MTA3: variants seen among roughly 807,000 people sequenced by gnomAD.
The protein encoded by MTA3 is metastasis associated 1 family member 3, also known as metastasis-associated protein MTA3.
Under a neutral mutation model 83.5 loss-of-function variants are expected in MTA3, and 34 were observed. That is an observed-to-expected ratio of 0.41 (90% CI 0.31 to 0.54). The LOEUF is 0.54. Ranked by LOEUF, MTA3 falls within the 20% of genes least tolerant of loss-of-function variation. MTA3 has a pLI of 0.33. For synonymous variants in MTA3, 303 were observed against 252.7 expected (o/e 1.20, Z -1.89); for missense variants, 761 against 726.4 (o/e 1.05, Z -0.55).
At chr2:42,697,304 G>A (rs1693475936) in intron 10 of MTA3, among the ~76,000 whole-genome samples, 1 of 152,184 alleles carries the variant, frequency 6.6e-6, no homozygotes, top group East Asian at 1.9e-4. Context: ...TGCTTATTTA[G>A]TTCTACTTAG....
intron 6 of MTA3, among the ~76,000 whole-genome samples, chr2:42,652,276 GTCTT>G (rs1209769072): frequency 6.6e-6 from 1 of 152,058 alleles, no homozygotes; most frequent in Non-Finnish European, 1.5e-5. Flanking sequence ...CTGTAAGTTA[GTCTT>G]TCTTAGATTC....
At position 42,754,929 on chromosome 2, in the gene MTA3, G is replaced by A. The variant is rs1007260870; in HGVS notation, c.*1530G>A. 3.0e-6 allele frequency: 3 copies of A among 985,484 alleles called. No individual in the cohort carries two copies. The highest frequency in any genetic ancestry group is 3.6e-6 in the Non-Finnish European group (3 of 830,088). The allele number at this position is 985,484 out of a possible 1,614,324, so 61.0% of individuals were successfully genotyped here. A position where few individuals can be genotyped will look rare whatever the true frequency, so the allele number is the denominator to read the frequency against. ...CAGCTTCTTTTCTGAGGAGGAGTTG[G>A]TTCTCATCTTAGGCTTCTGCAAGGG... On this transcript the variant is annotated 3_prime_UTR_variant, in exon 17 of 17. Coordinates refer to ENST00000405094, the MANE Select transcript of MTA3 (RefSeq NM_001330442.2).
At chr2:42,606,696 G>A (rs1472483017) in intron 3 of MTA3, among the ~76,000 whole-genome samples, 5 of 151,688 alleles carry the variant, frequency 3.3e-5, no homozygotes, top group African/African-American at 7.3e-5. Flanking sequence ...GGCAGAGGCT[G>A]CAATCTCGGC....
chr2:42,666,773 T>A (rs1690269709), intron 8 of MTA3, among the ~76,000 whole-genome samples: 1 of 152,174 alleles, frequency 6.6e-6, no homozygotes, highest in Non-Finnish European at 1.5e-5. Flanking sequence ...CACCATTGAA[T>A]TCCCAGCACC....
At chr2:42,721,181 G>A (rs1028510309) in intron 15 of MTA3, among the ~76,000 whole-genome samples, 1 of 151,892 alleles carries the variant, frequency 6.6e-6, no homozygotes, top group Non-Finnish European at 1.5e-5. Context: ...ACACCAAGAT[G>A]GGTAAGACCT....
chr2:42,736,497 G>A (rs887947557), intron 16 of MTA3, among the ~76,000 whole-genome samples: 1 of 152,132 alleles, frequency 6.6e-6, no homozygotes, highest in African/African-American at 2.4e-5. Context: ...GGCATATCCA[G>A]CCAGGCATCT....
intron 9 of MTA3, among the ~76,000 whole-genome samples, chr2:42,685,265 G>C (rs1474836779): frequency 6.6e-6 from 1 of 152,176 alleles, no homozygotes; most frequent in Non-Finnish European, 1.5e-5. Context: ...CAAAATTACA[G>C]ATTTGTAGCA....
At chr2:42,712,279 C>G (rs1666683905) in intron 14 of MTA3, among the ~76,000 whole-genome samples, 1 of 152,032 alleles carries the variant, frequency 6.6e-6, no homozygotes, top group Admixed American at 6.6e-5. Flanking sequence ...GGAAGATTTA[C>G]CACTCTTCAT....
intron 3 of MTA3, among the ~76,000 whole-genome samples, chr2:42,585,811 A>G (rs1680210891): frequency 6.6e-6 from 1 of 151,872 alleles, no homozygotes; most frequent in African/African-American, 2.4e-5. Flanking sequence ...GGTTATGTAT[A>G]ATTACAGTTT....
chr2:42,546,616 G>A (rs1162440742), intron 2 of MTA3, among the ~76,000 whole-genome samples: 3 of 152,062 alleles, frequency 2.0e-5, no homozygotes, highest in Non-Finnish European at 4.4e-5. Flanking sequence ...GGCGTTTCTA[G>A]GTTGGTCATT....
At chr2:42,538,472 C>G (rs1462008545) in intron 2 of MTA3, among the ~76,000 whole-genome samples, 1 of 151,842 alleles carries the variant, frequency 6.6e-6, no homozygotes, top group Non-Finnish European at 1.5e-5. Context: ...CTTTGGGAGG[C>G]CAAGGCAAGC....
chr2:42,749,447 A>G (rs1462494003), intron 16 of MTA3, among the ~76,000 whole-genome samples: 1 of 152,026 alleles, frequency 6.6e-6, no homozygotes, highest in Non-Finnish European at 1.5e-5. Context: ...ACTTTCAAAC[A>G]GTTGTTCTTT....
intron 16 of MTA3, among the ~76,000 whole-genome samples, chr2:42,739,782 C>T (rs1355694906): frequency 6.6e-6 from 1 of 152,216 alleles, no homozygotes; most frequent in Non-Finnish European, 1.5e-5. Flanking sequence ...CCTTTATTTT[C>T]ATCTCAACAT....
chr2:42,656,662 C>T (rs1431478113), intron 7 of MTA3, among the ~76,000 whole-genome samples: 1 of 152,176 alleles, frequency 6.6e-6, no homozygotes, highest in African/African-American at 2.4e-5. Flanking sequence ...GAATGTGCAC[C>T]TGGAATTCGC....
chr2:42,604,678 A>G (rs1573203042), intron 3 of MTA3, among the ~76,000 whole-genome samples: 1 of 135,410 alleles, frequency 7.4e-6, no homozygotes, highest in African/African-American at 2.9e-5. Flanking sequence ...GAAGGTCAGC[A>G]GATAAGCAAG....
intron 2 of MTA3, among the ~76,000 whole-genome samples, chr2:42,506,538 G>T (rs1674636624): frequency 1.3e-5 from 2 of 152,056 alleles, no homozygotes; most frequent in Admixed American, 6.6e-5. Flanking sequence ...AATGCCGATT[G>T]TGATTCCTTA....
intron 16 of MTA3, among the ~76,000 whole-genome samples, chr2:42,740,596 C>A (rs1290813261): frequency 6.6e-6 from 1 of 152,258 alleles, no homozygotes; most frequent in African/African-American, 2.4e-5. Flanking sequence ...TGTGCTAGCG[C>A]ACATGAAAAC....
At chr2:42,712,016 A>G (rs1209569941) in intron 14 of MTA3, among the ~76,000 whole-genome samples, 1 of 151,796 alleles carries the variant, frequency 6.6e-6, no homozygotes, top group African/African-American at 2.4e-5. Flanking sequence ...TGAGCTTGAG[A>G]CTCTTCCAAG....
chr2:42,570,081 G>A (rs574856588), intron 1 of MTA3, among the ~76,000 whole-genome samples: 62 of 152,208 alleles, frequency 4.1e-4, no homozygotes, highest in African/African-American at 1.5e-3. Context: ...AATTGTATTG[G>A]AGGAAAAAGA....
Sources: allele counts gnomAD v4.1 joint callset (sites outside exome capture counted in the v4.1 genomes callset), GRCh38; gene constraint gnomAD v4.1.1; transcripts MANE v1.5; gene names NCBI Gene and HGNC (gene_info 2026-07-23, HGNC 2026-07-21).